Variants in DAAM1 observed in about 807,000 individuals in gnomAD.
The protein encoded by DAAM1 is dishevelled associated activator of morphogenesis 1.
A neutral mutation model predicts 130.0 loss-of-function variants in DAAM1; 52 were observed. That is an observed-to-expected ratio of 0.40 (90% CI 0.32 to 0.50). DAAM1 has a LOEUF of 0.50. DAAM1 is among the 20% of genes least tolerant of loss of function. The pLI is 0.61. For missense variants in DAAM1, 1,134 were observed against 1,303.8 expected (o/e 0.87, Z 2.01); for synonymous variants, 452 against 444.5 (o/e 1.02, Z -0.21).
At chr14:59,365,200 C>A (rs1886870966) in intron 23 of DAAM1, among the ~76,000 whole-genome samples, 2 of 152,074 alleles carry the variant, frequency 1.3e-5, no homozygotes, top group Admixed American at 6.5e-5. Context: ...GGGGGTGGAA[C>A]TTTAATCTGG....
chr14:59,315,161 C>T (rs1449979570), intron 3 of DAAM1, 119 bp from the exon 4 acceptor site: 1 of 880,910 alleles, frequency 1.1e-6, no homozygotes, highest in Non-Finnish European at 1.9e-6. Context: ...TACGTCATAC[C>T]TTCGTGTCTT....
chr14:59,355,090 G>A, intron 19 of DAAM1, 75 bp from the exon 20 acceptor site: 1 of 1,534,898 alleles, frequency 6.5e-7, no homozygotes, highest in Non-Finnish European at 8.8e-7. Flanking sequence ...AATTTAGAAT[G>A]GGTATCACTG....
At chr14:59,345,122 T>C (rs1886019954) in intron 16 of DAAM1, among the ~76,000 whole-genome samples, 2 of 152,200 alleles carry the variant, frequency 1.3e-5, no homozygotes, top group African/African-American at 4.8e-5. Flanking sequence ...TCTAGTGTCC[T>C]GGAGTCTAAG....
At chr14:59,354,997 C>T (rs567171454) in intron 19 of DAAM1, among the ~76,000 whole-genome samples, 168 bp from the exon 20 acceptor site, 2 of 152,284 alleles carry the variant, frequency 1.3e-5, no homozygotes, top group East Asian at 1.9e-4. Context: ...TTGTTCTTTG[C>T]TTCTGGTGTA....
chr14:59,311,666 A>G (rs188134846), intron 3 of DAAM1, among the ~76,000 whole-genome samples: 1 of 152,078 alleles, frequency 6.6e-6, no homozygotes, highest in African/African-American at 2.4e-5. Flanking sequence ...ATTTTTCCCT[A>G]CAGATGGGAA....
intron 16 of DAAM1, among the ~76,000 whole-genome samples, chr14:59,347,004 T>G (rs1886109500): frequency 6.6e-6 from 1 of 152,206 alleles, no homozygotes; most frequent in Non-Finnish European, 1.5e-5. Context: ...ACTTGGCCAT[T>G]CTGGGCCCCA....
At chr14:59,283,145 G>A (rs1014841076) in intron 2 of DAAM1, among the ~76,000 whole-genome samples, 1 of 152,132 alleles carries the variant, frequency 6.6e-6, no homozygotes, top group Non-Finnish European at 1.5e-5. Context: ...AAACTGTGCT[G>A]TAGTGAAGTA....
intron 2 of DAAM1, among the ~76,000 whole-genome samples, chr14:59,271,099 A>G (rs186571152): frequency 9.7e-4 from 148 of 152,316 alleles, no homozygotes; most frequent in Non-Finnish European, 1.4e-3. Flanking sequence ...AATGTTTCCA[A>G]TTCCATTTTA....
chr14:59,355,807 A>G (rs773528297), intron 20 of DAAM1, among the ~76,000 whole-genome samples: 1 of 152,188 alleles, frequency 6.6e-6, no homozygotes, highest in Non-Finnish European at 1.5e-5. Flanking sequence ...ACTGTGTTCC[A>G]CAGAAAAGAA....
At chr14:59,356,446 C>A (rs1043813829) in intron 20 of DAAM1, among the ~76,000 whole-genome samples, 1 of 152,222 alleles carries the variant, frequency 6.6e-6, no homozygotes, top group Admixed American at 6.5e-5. Context: ...GATTGTCCCA[C>A]TAGCCTGTGA....
chr14:59,190,159 C>T lies in DAAM1; in HGVS notation c.-38+1391C>T, dbSNP rs773610156. On this transcript the variant is annotated intron_variant, in intron 1 of 24. Coordinates refer to ENST00000360909, the MANE Select transcript of DAAM1 (RefSeq NM_001270520.2). ...AAACGCTCGCCCTGGCCCAGCTGCTCTCTCCTCCTCGCCCCTTTCACAGCC... is the reference window on the plus strand; with the variant it reads ...AAACGCTCGCCCTGGCCCAGCTGCTTTCTCCTCCTCGCCCCTTTCACAGCC... Among the ~76,000 whole-genome samples the T allele has an allele frequency of 6.3e-4, 96 of 152,082 alleles. No homozygotes were observed. In the Middle Eastern group the frequency reaches 0.01, roughly 16 times the overall value.
At chr14:59,206,646 A>T (rs559038784) in intron 1 of DAAM1, among the ~76,000 whole-genome samples, 12 of 152,240 alleles carry the variant, frequency 7.9e-5, no homozygotes, top group Non-Finnish European at 1.6e-4. Flanking sequence ...ATTGGAAAAA[A>T]GATTAGAGTT....
At chr14:59,269,336 T>A (rs1024511286) in intron 2 of DAAM1, among the ~76,000 whole-genome samples, 3 of 152,210 alleles carry the variant, frequency 2.0e-5, no homozygotes, top group African/African-American at 4.8e-5. Context: ...CTTGGGAACA[T>A]GCACAGCTCA....
chr14:59,331,267 T>C lies in DAAM1; in HGVS notation c.1619T>C (p.Phe540Ser). 2 of 1,612,868 alleles carry C rather than the reference T, an allele frequency of 1.2e-6. No individual in the cohort carries two copies. The highest frequency in any genetic ancestry group is 1.3e-5 in the African/African-American group (1 of 74,970). Residue 540 changes from phenylalanine to serine, a missense_variant, in exon 14 of 25, where the codon TTT becomes TCT. Coordinates refer to ENST00000360909, the MANE Select transcript of DAAM1 (RefSeq NM_001270520.2). ...GPSPGAPGGPFPSSVPGSLLP... is the reference protein window; with the variant it reads ...GPSPGAPGGPSPSSVPGSLLP... The stretch of plus-strand genomic sequence containing the variant: ...TCGCCTGGAGCACCAGGAGGGCCCT[T>C]TCCTTCCTCTGTGCCTGGATCTCTC...
At position 59,337,138 on chromosome 14, in the gene DAAM1, ACT is replaced by A. The variant is rs200494716; in HGVS notation, c.1969-2929_1969-2928del. Among the ~76,000 whole-genome samples the A allele has an allele frequency of 4.8e-3, 724 of 152,062 alleles. 3 individuals are homozygous for A. The highest frequency in any genetic ancestry group is 0.015 in the African/African-American group (630 of 41,454). On this transcript the variant is annotated intron_variant, in intron 15 of 24. Transcript: ENST00000360909. ...GCAGAATCTCTAAGTTCAACTAGCA[ACT>A]CTCTCTTTAAGAGAAAAAAAATAGG...
chr14:59,321,946 GAGTT>G (rs1387895758), intron 5 of DAAM1, among the ~76,000 whole-genome samples: 1 of 152,108 alleles, frequency 6.6e-6, no homozygotes, highest in African/African-American at 2.4e-5. Context: ...TGTGCATTGT[GAGTT>G]AGTCTCATTG....
At chr14:59,295,228 T>C (rs1883909940) in intron 3 of DAAM1, among the ~76,000 whole-genome samples, 1 of 152,194 alleles carries the variant, frequency 6.6e-6, no homozygotes, top group South Asian at 2.1e-4. Flanking sequence ...TCATATTACA[T>C]TTCTGTATGT....
chr14:59,301,033 A>G (rs1169224417), intron 3 of DAAM1, among the ~76,000 whole-genome samples: 3 of 152,172 alleles, frequency 2.0e-5, no homozygotes, highest in African/African-American at 7.2e-5. Flanking sequence ...AGTGGTTATA[A>G]TAACTTATAC....
intron 22 of DAAM1, 59 bp downstream of exon 22, chr14:59,360,921 T>C: frequency 6.6e-7 from 1 of 1,513,842 alleles, no homozygotes; most frequent in South Asian, 1.2e-5. Context: ...CTAGTGCTGG[T>C]GGTTTTCAGC....
Sources: gnomAD v4.1 joint callset for allele counts (sites outside exome capture counted in the v4.1 genomes callset) on GRCh38, gnomAD v4.1.1 for gene constraint, MANE v1.5 for transcripts, NCBI Gene and HGNC (gene_info 2026-07-23, HGNC 2026-07-21) for gene names.